OCA2: variants seen among roughly 807,000 people sequenced by gnomAD.
OCA2 encodes OCA2 melanosomal transmembrane protein, also known as P protein.
In OCA2, 77 loss-of-function variants were observed where a neutral mutation model predicts 100.2. The ratio of observed to expected loss-of-function variants is 0.77; its 90% confidence interval spans 0.64 to 0.93. OCA2 has a LOEUF of 0.93. Among genes scored for constraint, OCA2 ranks in the 40% least tolerant of loss-of-function variants. OCA2 has a pLI of 0.00. For synonymous variants in OCA2, 432 were observed against 439.2 expected, an observed-to-expected ratio of 0.98 and a Z score of 0.21; for missense variants, 1,062 against 1,089.1, an observed-to-expected ratio of 0.98 and a Z score of 0.35.
intron 15 of OCA2, among the ~76,000 whole-genome samples, chr15:27,965,795 A>C (rs1240868873): frequency 6.6e-6 from 1 of 152,244 alleles, no homozygotes; most frequent in Non-Finnish European, 1.5e-5. Flanking sequence ...GAGCTCGTCA[A>C]GGAAAGGCTG....
intron 18 of OCA2, 149 bp downstream of exon 18, chr15:27,951,635 G>C: frequency 1.4e-6 from 1 of 707,862 alleles, no homozygotes; most frequent in African/African-American, 1.7e-5. Flanking sequence ...CTTCTTCCCA[G>C]GGCAGGCTGC....
chr15:27,944,089 C>T (rs1362025106), intron 18 of OCA2, among the ~76,000 whole-genome samples: 2 of 152,164 alleles, frequency 1.3e-5, no homozygotes, highest in African/African-American at 2.4e-5. Context: ...TGGAAATTAT[C>T]GTTTTTGGCT....
chr15:27,738,506 C>T, the OCA2 span, among the ~76,000 whole-genome samples: 21 of 152,228 alleles, frequency 1.4e-4, no homozygotes, highest in African/African-American at 4.3e-4. Context: ...GAGGCCGAGG[C>T]GGGCAGATCA....
intron 23 of OCA2, among the ~76,000 whole-genome samples, chr15:27,838,181 TG>T: frequency 6.6e-6 from 1 of 152,290 alleles, no homozygotes; most frequent in Non-Finnish European, 1.5e-5. Flanking sequence ...AGATAAGCAC[TG>T]GGGGCTGTGC....
intron 23 of OCA2, among the ~76,000 whole-genome samples, chr15:27,797,189 A>G (rs2033379723): frequency 6.6e-6 from 1 of 152,218 alleles, no homozygotes. Context: ...TGGCTCTGAA[A>G]GATGGAATTT....
In OCA2 at chr15:27,957,772, G is replaced by T. The variant is rs188299033; in HGVS notation, c.1637-37C>A. 6.0e-5 allele frequency: 97 copies of T among 1,612,150 alleles called. 1 individual carries two copies. In the African/African-American group the frequency reaches 1.2e-3, roughly 20 times the overall value. ...GGAAGGCGAAGCTTGGGTCTCCCAT[G>T]ACCTCAGATATCAGCAACACCCTCC... On this transcript the variant is annotated intron_variant, in intron 15 of 23. Transcript: ENST00000354638. This position sits in a 1 kb window ranked among gnomAD's most constrained non-coding sequence, Gnocchi z 4.3.
intron 23 of OCA2, among the ~76,000 whole-genome samples, chr15:27,800,949 A>G (rs1017778416): frequency 1.9e-4 from 29 of 152,208 alleles, no homozygotes; most frequent in Non-Finnish European, 3.8e-4. Context: ...CCTAGGCAAC[A>G]GAGTGAGACC....
chr15:27,912,193 G>C (rs984931597), intron 19 of OCA2, among the ~76,000 whole-genome samples: 1 of 152,182 alleles, frequency 6.6e-6, no homozygotes, highest in Admixed American at 6.5e-5. Context: ...GTGGATATGG[G>C]TGTTGGTATA....
chr15:27,952,623 C>T (rs1045614841), intron 17 of OCA2, among the ~76,000 whole-genome samples: 1 of 152,196 alleles, frequency 6.6e-6, no homozygotes, highest in Non-Finnish European at 1.5e-5. Context: ...ATAACTGCAC[C>T]AGGTCCTTTC....
chr15:27,719,346 G>C, the OCA2 span, among the ~76,000 whole-genome samples: 1 of 152,076 alleles, frequency 6.6e-6, no homozygotes, highest in African/African-American at 2.4e-5. Flanking sequence ...GACACCAGTC[G>C]TATTTAATTA....
chr15:27,933,691 A>G (rs886068758), intron 18 of OCA2, among the ~76,000 whole-genome samples: 8 of 152,210 alleles, frequency 5.3e-5, no homozygotes, highest in African/African-American at 1.9e-4. Context: ...TGGAGAGAAC[A>G]TAAGACTCAT....
intron 23 of OCA2, among the ~76,000 whole-genome samples, chr15:27,804,934 T>C (rs2033766098): frequency 6.6e-6 from 1 of 152,186 alleles, no homozygotes; most frequent in African/African-American, 2.4e-5. Flanking sequence ...CTGGGCTCCG[T>C]TCTCCTCCCA....
intron 23 of OCA2, among the ~76,000 whole-genome samples, chr15:27,768,097 G>T (rs1289724117): frequency 6.6e-6 from 1 of 152,144 alleles, no homozygotes; most frequent in Non-Finnish European, 1.5e-5. Flanking sequence ...GCGCAGGGAG[G>T]GCCGGCCCAG....
At chr15:27,730,740 TA>T in the OCA2 span, among the ~76,000 whole-genome samples, 11 of 19,586 alleles carry the variant, frequency 5.6e-4, no homozygotes, top group African/African-American at 1.9e-3. Flanking sequence ...CAAATATATA[TA>T]TATATATATA....
intron 23 of OCA2, among the ~76,000 whole-genome samples, chr15:27,770,859 T>TTCCTTCCTTCCC (rs1285454773): frequency 1.1e-5 from 1 of 92,128 alleles, no homozygotes; most frequent in East Asian, 1.1e-3. Flanking sequence ...CCTTCCTTTC[T>TTCCTTCCTTCCC]TCCTTCCTTC....
At chr15:27,895,791 A>G (rs1289437000) in intron 19 of OCA2, 8 of 419,210 alleles carry the variant, frequency 1.9e-5, no homozygotes, top group South Asian at 1.2e-4. Context: ...GAAACTGAGT[A>G]TTATGCTTGG....
intron 19 of OCA2, among the ~76,000 whole-genome samples, chr15:27,902,992 C>T (rs1260666267): frequency 6.6e-6 from 1 of 152,210 alleles, no homozygotes; most frequent in Non-Finnish European, 1.5e-5. Flanking sequence ...GGAGCACCCA[C>T]AGGGCACCCG....
intron 17 of OCA2, among the ~76,000 whole-genome samples, chr15:27,953,883 A>T (rs2040122416): frequency 6.6e-6 from 1 of 151,854 alleles, no homozygotes; most frequent in South Asian, 2.1e-4. Context: ...ACAGTACCCA[A>T]TGTGTAGTCT....
intron 19 of OCA2, among the ~76,000 whole-genome samples, chr15:27,918,089 A>ATTTTTTTTTTTTTTTTTTTTTTTTTTTT: frequency 9.7e-6 from 1 of 103,176 alleles, no homozygotes; most frequent in Non-Finnish European, 2.0e-5. Flanking sequence ...CTCCCTCTTG[A>ATTTTTTTTTTTTTTTTTTTTTTTTTTTT]TTTTTTTTTT....
Sources: gnomAD v4.1 joint callset for allele counts (sites outside exome capture counted in the v4.1 genomes callset) on GRCh38, gnomAD v4.1.1 for gene constraint, Gnocchi (gnomAD v3.1) non-coding constraint, MANE v1.5 for transcripts, NCBI Gene and HGNC (gene_info 2026-07-23, HGNC 2026-07-21) for gene names.